The following SIX3 variants were observed in gnomAD, a reference collection of about 807,000 sequenced individuals.
SIX3 encodes homeobox protein SIX3.
SIX3 carries 2 observed loss-of-function variants against 21.7 expected under a neutral mutation model. The ratio of observed to expected loss-of-function variants is 0.09; its 90% CI spans 0.04 to 0.29. The LOEUF is 0.29. SIX3 is among the 10% of genes least tolerant of loss of function. The probability of loss-of-function intolerance (pLI) is 1.00; values close to 1 mark genes in which losing one functional copy is unlikely to be tolerated. For missense variants in SIX3, 347 were observed against 480.7 expected, an observed-to-expected ratio of 0.72 and a Z score of 2.60; for synonymous variants, 243 against 220.6, an observed-to-expected ratio of 1.10 and a Z score of -0.90.
chr2:44,942,024 G>A lies in SIX3; in HGVS notation c.-81G>A. ...TCCCCCCTCTCCTCTCCCTCCTCCT[G>A]GTCCTCATCGCCCCTCTCCTCCTCT... On this transcript the variant is annotated 5_prime_UTR_variant, in exon 1 of 2. An upstream open reading frame in the 5' UTR gains an earlier in-frame stop. Coordinates refer to ENST00000260653, the MANE Select transcript of SIX3 (RefSeq NM_005413.4). This position sits in a 1 kb window ranked among gnomAD's most constrained non-coding sequence, Gnocchi z 8.4. 1 of 1,051,004 alleles carries A rather than the reference G, an allele frequency of 9.5e-7. No individual in the cohort carries two copies. The highest frequency in any genetic ancestry group is 1.4e-6 in the Non-Finnish European group (1 of 696,794). 65.1% of individuals were successfully genotyped at this position (1,051,004 alleles called of 1,614,324 possible).
chr2:44,942,612 C>T lies in SIX3; in HGVS notation c.508C>T (p.Leu170Phe). ...TCACGGCAAGCTGCAGGCCATGTGG[C>T]TCGAGGCGCACTACCAGGAGGCCGA... ...ESHGKLQAMW[L>F]EAHYQEAEKL... The change falls in exon 1 of 2, where the codon CTC becomes TTC. Residue 170 changes from leucine (L) to phenylalanine (F), a missense_variant. Leu to Phe is a conservative substitution (Grantham distance 22). Coordinates refer to ENST00000260653, the MANE Select transcript of SIX3 (RefSeq NM_005413.4). The surrounding 1 kb of genome is among the most constrained non-coding windows in gnomAD (Gnocchi z 8.4). The T allele has an allele frequency of 6.3e-7, 1 of 1,596,520 alleles. No individual in the cohort carries two copies. The highest frequency in any genetic ancestry group is 8.5e-7 in the Non-Finnish European group (1 of 1,178,928).
chr2:44,944,963 C>T lies in SIX3; in HGVS notation c.*203C>T. On this transcript the variant is annotated 3_prime_UTR_variant, in exon 2 of 2. Transcript: ENST00000260653. Reference sequence around the variant, plus strand: ...AAATATATAAAAAACAAGAAAATAACAAATTAACCGCAAACTATCAACAAC... The same window carrying T: ...AAATATATAAAAAACAAGAAAATAATAAATTAACCGCAAACTATCAACAAC... The T allele has an allele frequency of 3.3e-6, 2 of 614,640 alleles. No homozygotes were observed. Among genetic ancestry groups the T allele is most frequent in the Non-Finnish European group, 5.8e-6 (2 of 346,118 alleles). 38.1% of individuals were successfully genotyped at this position (614,640 alleles called of 1,614,324 possible).
chr2:44,944,238 G>T (rs1485834466), intron 1 of SIX3, among the ~76,000 whole-genome samples: 2 of 152,222 alleles, frequency 1.3e-5, no homozygotes, highest in African/African-American at 4.8e-5. Flanking sequence ...CGCAGCTCCC[G>T]GTGTGTGTTT....
Position 44,942,123 on chromosome 2 carries a change from C to G in SIX3, c.19C>G (p.Leu7Val). 6.3e-7 allele frequency: 1 copy of G among 1,596,232 alleles called. No individual in the cohort carries two copies. Among genetic ancestry groups the G allele is most frequent in the East Asian group, 2.2e-5 (1 of 44,686 alleles). Residue 7 changes from leucine (L) to valine (V), a missense_variant, in exon 1 of 2, where the codon CTA (leucine) becomes GTA (valine). Coordinates refer to ENST00000260653, the MANE Select transcript of SIX3 (RefSeq NM_005413.4). The surrounding 1 kb of genome is among the most constrained non-coding windows in gnomAD (Gnocchi z 8.4). MVFRSP[L>V]DLYSSHFLLP... ...TCAGTCCATGGTATTCCGCTCCCCC[C>G]TAGACCTCTATTCCTCCCACTTCTT...
chr2:44,941,813 C>T lies in SIX3; in HGVS notation c.-292C>T, dbSNP rs1666574900. 6.5e-6 allele frequency: 2 copies of T among 308,532 alleles called. No individual in the cohort carries two copies. Among genetic ancestry groups the T allele is most frequent in the Non-Finnish European group, 1.2e-5 (2 of 171,868 alleles). The allele number at this position is 308,532 out of a possible 1,614,324, so 19.1% of individuals were successfully genotyped here. A position where few individuals can be genotyped will look rare whatever the true frequency, so the allele number is the denominator to read the frequency against. On this transcript the variant is annotated 5_prime_UTR_variant, in exon 1 of 2. Coordinates refer to ENST00000260653, the MANE Select transcript of SIX3 (RefSeq NM_005413.4). ...TGGTTGGCTCTCCCTCTCCTCTCTC[C>T]CTCTCCCTCTCCCTCTCTGTCTCGG...
At chr2:44,943,447 G>C (rs1666622773) in intron 1 of SIX3, among the ~76,000 whole-genome samples, 1 of 152,272 alleles carries the variant, frequency 6.6e-6, no homozygotes, top group South Asian at 2.1e-4. Flanking sequence ...GGAGAGCCGG[G>C]CTGGGAGTGG....
rs1286475473 is a variant in SIX3 at position 44,944,693 on chromosome 2, C to T, written c.932C>T (p.Thr311Met). ...ASPTTSVSSL[T>M]ERADTGTSIL... ...CCGACCACCAGCGTGTCCAGCCTGA[C>T]GGAGCGCGCAGACACCGGCACCTCC... Residue 311 changes from threonine (T) to methionine (M), a missense_variant, in exon 2 of 2, where the codon ACG (threonine) becomes ATG (methionine). Coordinates refer to ENST00000260653, the MANE Select transcript of SIX3 (RefSeq NM_005413.4). 1.3e-6 allele frequency: 2 copies of T among 1,586,376 alleles called. No homozygotes were observed. Among genetic ancestry groups the T allele is most frequent in the Admixed American group, 3.4e-5 (2 of 58,664 alleles).
chr2:44,943,405 C>T (rs1055274000), intron 1 of SIX3, among the ~76,000 whole-genome samples: 1 of 152,164 alleles, frequency 6.6e-6, no homozygotes, highest in African/African-American at 2.4e-5. Flanking sequence ...GCCTGTTTCC[C>T]CGCAACGCTG....
chr2:44,943,588 G>T (rs1666627942), intron 1 of SIX3, among the ~76,000 whole-genome samples: 5 of 152,234 alleles, frequency 3.3e-5, no homozygotes, highest in Admixed American at 2.6e-4. Context: ...CTCGTTGCCG[G>T]CAAGTTGGCC....
chr2:44,944,416 C>G (rs1666647372), intron 1 of SIX3, 152 bp from the exon 2 acceptor site: 3 of 858,110 alleles, frequency 3.5e-6, no homozygotes, highest in Non-Finnish European at 5.6e-6. Flanking sequence ...CCTCCCCAAG[C>G]GGCCGGGCTC....
At chr2:44,944,365 G>A (rs1288646614) in intron 1 of SIX3, among the ~76,000 whole-genome samples, 2 of 152,220 alleles carry the variant, frequency 1.3e-5, no homozygotes, top group Non-Finnish European at 1.5e-5. Context: ...TCCGACTTCT[G>A]CTTCTCCAGG....
rs764059633 is a variant in SIX3 at position 44,942,518 on chromosome 2, C to T, written c.414C>T (p.Val138=). The T allele has an allele frequency of 5.6e-6, 9 of 1,598,272 alleles. No homozygotes were observed. The African/African-American group carries it at 9.3e-5, about 17-fold the overall frequency. ...HESILRARAV[V]AFHTGNFRDL... ...CGATCCTGCGCGCGCGCGCCGTGGT[C>T]GCCTTCCACACGGGCAACTTCCGCG... is the stretch of plus-strand genomic sequence containing the variant. The change falls in exon 1 of 2, where the codon GTC becomes GTT. Residue 138 remains valine (V), a synonymous_variant. Coordinates refer to ENST00000260653, the MANE Select transcript of SIX3 (RefSeq NM_005413.4). The surrounding 1 kb of genome is among the most constrained non-coding windows in gnomAD (Gnocchi z 8.4).
chr2:44,943,107 A>C (rs1666612307), intron 1 of SIX3, among the ~76,000 whole-genome samples, 197 bp downstream of exon 1: 1 of 151,918 alleles, frequency 6.6e-6, no homozygotes, highest in South Asian at 2.1e-4. Flanking sequence ...TGCTTTGACC[A>C]AGAGGGGCTT....
Position 44,945,943 on chromosome 2 carries a change from G to C in SIX3, c.*1183G>C, listed in dbSNP as rs338073. The C allele has an allele frequency of 0.064, 9,750 of 152,350 alleles. 410 individuals carry two copies. The highest frequency in any genetic ancestry group is 0.12 in the South Asian group (588 of 4,824). The allele number at this position is 152,350 out of a possible 1,614,324, so 9.4% of individuals were successfully genotyped here. A position where few individuals can be genotyped will look rare whatever the true frequency, so the allele number is the denominator to read the frequency against. On this transcript the variant is annotated 3_prime_UTR_variant, in exon 2 of 2. Transcript: ENST00000260653. ...TATTCTTATGCAAAAGCTATTTCCA[G>C]TATTTCTTAGCAGCTTCAGAGGTAT... is the stretch of plus-strand genomic sequence containing the variant.
chr2:44,944,166 G>GCTTTGCTCT, intron 1 of SIX3, among the ~76,000 whole-genome samples: 1 of 152,362 alleles, frequency 6.6e-6, no homozygotes, highest in Middle Eastern at 3.4e-3. Flanking sequence ...TGCGCTCTGC[G>GCTTTGCTCT]CTGGCATCCA....
In SIX3 at chr2:44,941,749, GGGCGATTGCGGT is replaced by G; in HGVS notation, c.-353_-342del. ...AGATATTATGAGGCTGTTGTCATTAGGGCGATTGCGGTGGAATCGCTGAATCTTGACTCGGCG... is the reference window on the plus strand; with the variant it reads ...AGATATTATGAGGCTGTTGTCATTAGGGAATCGCTGAATCTTGACTCGGCG... On this transcript the variant is annotated 5_prime_UTR_variant, in exon 1 of 2. Transcript: ENST00000260653. The G allele has an allele frequency of 3.2e-6, 1 of 307,966 alleles. No individual in the cohort carries two copies. The highest frequency in any genetic ancestry group is 7.7e-5 in the East Asian group (1 of 13,030). 19.1% of individuals were successfully genotyped at this position (307,966 alleles called of 1,614,324 possible).
rs745913056 is a variant in SIX3 at position 44,944,589 on chromosome 2, A to G, written c.828A>G (p.Gly276=). The G allele has an allele frequency of 1.3e-6, 2 of 1,578,460 alleles. No individual in the cohort carries two copies. Among genetic ancestry groups the G allele is most frequent in the East Asian group, 4.6e-5 (2 of 43,326 alleles). The change falls in exon 2 of 2, where the codon GGA becomes GGG. Residue 276 remains glycine (G), a synonymous_variant. Coordinates refer to ENST00000260653, the MANE Select transcript of SIX3 (RefSeq NM_005413.4). ...AKNRLQHQAI[G]PSGMRSLAEP... is the part of the protein sequence containing the mutation. ...GCAGGCTCCAGCACCAGGCCATTGGACCGAGCGGCATGCGCTCGCTGGCCG... is the reference window on the plus strand; with the variant it reads ...GCAGGCTCCAGCACCAGGCCATTGGGCCGAGCGGCATGCGCTCGCTGGCCG...
At position 44,944,099 on chromosome 2, in the gene SIX3, C is replaced by T. The variant is rs979313139; in HGVS notation, c.807-469C>T. On this transcript the variant is annotated intron_variant, in intron 1 of 1. Coordinates refer to ENST00000260653, the MANE Select transcript of SIX3 (RefSeq NM_005413.4). ...TTCTCCTTTGCCCCTTTTCTGTCTC[C>T]CTGCTCTTTCCCCACTTTTCCACCG... Among the ~76,000 whole-genome samples the T allele has an allele frequency of 2.2e-4, 33 of 152,370 alleles. No homozygotes were observed. In the East Asian group the frequency reaches 2.3e-3, roughly 11 times the overall value.
At chr2:44,944,169 G>A (rs1212511694) in intron 1 of SIX3, among the ~76,000 whole-genome samples, 1 of 152,258 alleles carries the variant, frequency 6.6e-6, no homozygotes, top group Admixed American at 6.5e-5. Context: ...GCTCTGCGCT[G>A]GCATCCAGAG....
Sources: gnomAD v4.1 joint callset for allele counts (sites outside exome capture counted in the v4.1 genomes callset) on GRCh38, gnomAD v4.1.1 for gene constraint, Gnocchi (gnomAD v3.1) non-coding constraint, MANE v1.5 for transcripts, NCBI Gene and HGNC (gene_info 2026-07-23, HGNC 2026-07-21) for gene names.